The following SLC39A5 variants were observed in gnomAD, a reference collection of about 807,000 sequenced individuals.
SLC39A5 encodes solute carrier family 39 member 5.
A neutral mutation model predicts 46.9 loss-of-function variants in SLC39A5; 42 were observed. The ratio of observed to expected loss-of-function variants is 0.90; its 90% CI spans 0.70 to 1.16. The LOEUF (loss-of-function observed/expected upper bound fraction) is 1.16. SLC39A5 is among the 50% of genes most tolerant of loss of function. The pLI, the probability that SLC39A5 is intolerant of heterozygous loss-of-function variation, is 0.00. For missense variants in SLC39A5, 677 were observed against 686.8 expected, an observed-to-expected ratio of 0.99 and a Z score of 0.16; for synonymous variants, 311 against 323.1, an observed-to-expected ratio of 0.96 and a Z score of 0.40.
rs562903919 is a variant in SLC39A5, at chr12:56,231,180, C to G, written c.-71-24C>G. On this transcript the variant is annotated intron_variant, in intron 3 of 12. Coordinates refer to ENST00000454355, the MANE Select transcript of SLC39A5 (RefSeq NM_173596.3). ...CTGAGCTGGAGAGCAGAGCGCAGCT[C>G]CAGCCCATTCCTCATTCTTCCAGGG... The G allele has an allele frequency of 1.9e-5, 26 of 1,385,000 alleles. No homozygotes were observed. In the African/African-American group the frequency reaches 3.3e-4, roughly 18 times the overall value. 85.8% of individuals were successfully genotyped at this position (1,385,000 alleles called of 1,614,324 possible).
At chr12:56,232,278 G>A (rs572522917) in intron 4 of SLC39A5, among the ~76,000 whole-genome samples, 1 of 143,872 alleles carries the variant, frequency 7.0e-6, no homozygotes, top group Non-Finnish European at 1.5e-5. Flanking sequence ...CGATTCTCCT[G>A]CCTCGGCCTC....
chr12:56,233,342 C>T (rs565586175), intron 5 of SLC39A5, among the ~76,000 whole-genome samples: 2 of 141,878 alleles, frequency 1.4e-5, no homozygotes, highest in East Asian at 2.1e-4. Context: ...CCCAGTTACT[C>T]GGAAGGCTGA....
chr12:56,237,356 T>G lies in SLC39A5; in HGVS notation c.1479+16T>G. ...TGTGGACATGGTGAGAGATGTCGGGTAGAGCAGAGAAATCAAGGGCAGTGG... is the reference window on the plus strand; with the variant it reads ...TGTGGACATGGTGAGAGATGTCGGGGAGAGCAGAGAAATCAAGGGCAGTGG... On this transcript the variant is annotated intron_variant, in intron 12 of 12. Transcript: ENST00000454355. 1 of 1,570,110 alleles carries G rather than the reference T, an allele frequency of 6.4e-7. No individual in the cohort carries two copies. The highest frequency in any genetic ancestry group is 1.2e-5 in the South Asian group (1 of 83,702).
intron 5 of SLC39A5, among the ~76,000 whole-genome samples, chr12:56,234,604 C>T (rs915311985): frequency 5.3e-5 from 8 of 151,868 alleles, no homozygotes; most frequent in East Asian, 1.9e-4. Flanking sequence ...CGTGAGCCAC[C>T]GCACCCGGCT....
At chr12:56,237,521 C>A in intron 12 of SLC39A5, 67 bp from the exon 13 acceptor site, 1 of 1,605,124 alleles carries the variant, frequency 6.2e-7, no homozygotes. Flanking sequence ...TGCTTTCTGA[C>A]ACCATTCCTC....
Position 56,234,879 on chromosome 12 carries a change from T to C in SLC39A5, c.527T>C (p.Leu176Pro). ...TTTGGCTTGAGCCCCGCTGCTCCTC[T>C]GACCCCTCGTCAGTTTGCTCTGCTG... ...VNFGLSPAAP[L>P]TPRQFALLCP... Residue 176 changes from leucine (L) to proline (P), a missense_variant, in exon 6 of 13, where the codon CTG (leucine) becomes CCG (proline). Coordinates refer to ENST00000454355, the MANE Select transcript of SLC39A5 (RefSeq NM_173596.3). 1 of 1,613,836 alleles carries C rather than the reference T, an allele frequency of 6.2e-7. No individual in the cohort carries two copies. The highest frequency in any genetic ancestry group is 8.5e-7 in the Non-Finnish European group (1 of 1,180,032).
chr12:56,232,626 G>A (rs1054022161), intron 4 of SLC39A5, 63 bp from the exon 5 acceptor site: 11 of 1,440,768 alleles, frequency 7.6e-6, no homozygotes, highest in Non-Finnish European at 1.0e-5. Context: ...ATCCCTGGGA[G>A]CCTCTCAAAG....
rs374211055 is a variant in SLC39A5 at position 56,236,763 on chromosome 12, C to T, written c.1207+17C>T. Reference sequence around the variant, plus strand: ...TGGCCATAGGTGTGAGGGGTGGGAACGGAGGGAAGCAGGTCCGAGGGGAGG... The same window carrying T: ...TGGCCATAGGTGTGAGGGGTGGGAATGGAGGGAAGCAGGTCCGAGGGGAGG... On this transcript the variant is annotated intron_variant, in intron 10 of 12. Coordinates refer to ENST00000454355, the MANE Select transcript of SLC39A5 (RefSeq NM_173596.3). 6.9e-5 allele frequency: 109 copies of T among 1,585,466 alleles called. No individual in the cohort carries two copies. The highest frequency in any genetic ancestry group is 2.7e-4 in the East Asian group (12 of 44,580).
chr12:56,231,491 C>A lies in SLC39A5; in HGVS notation c.217C>A (p.Leu73Ile). ...CCTGGGGCTAGGCCGAGTTCAGGGG[C>A]TTCGCCTGGGACAGCATGGGCCTCT... ...HSLGLGRVQG[L>I]RLGQHGPLTG... The change falls in exon 4 of 13, where the codon CTT (leucine) becomes ATT (isoleucine). Residue 73 changes from leucine to isoleucine, a missense_variant. By Grantham distance (5) the Leu-to-Ile change is conservative. Transcript: ENST00000454355. The A allele has an allele frequency of 6.2e-7, 1 of 1,610,580 alleles. No homozygotes were observed.
intron 5 of SLC39A5, among the ~76,000 whole-genome samples, chr12:56,234,470 A>G (rs1870529462): frequency 6.6e-6 from 1 of 152,060 alleles, no homozygotes. Flanking sequence ...GCACGCCACC[A>G]TGCCCAGCTA....
At position 56,237,596 on chromosome 12, in the gene SLC39A5, C is replaced by T. The variant is rs1397717282; in HGVS notation, c.1488C>T (p.Ala496=). ...LYVALVDMLP[A]LLRPPEPLPT... is the part of the protein sequence containing the mutation. ...TCCTCTTTTTCTTTCAGCTACCAGC[C>T]CTGCTTCGTCCTCCGGAGCCCCTGC... Residue 496 remains alanine (A), a synonymous_variant, in exon 13 of 13, where the codon GCC becomes GCT. Transcript: ENST00000454355. The T allele has an allele frequency of 1.2e-6, 2 of 1,613,766 alleles. No individual in the cohort carries two copies. Among genetic ancestry groups the T allele is most frequent in the South Asian group, 2.2e-5 (2 of 91,086 alleles).
Position 56,231,156 on chromosome 12 carries a change from T to C in SLC39A5, c.-71-48T>C, listed in dbSNP as rs1870164981. 17 of 1,174,712 alleles carry C rather than the reference T, an allele frequency of 1.4e-5. 1 individual carries two copies. In the East Asian group the frequency reaches 4.0e-4, roughly 27 times the overall value. The allele number at this position is 1,174,712 out of a possible 1,614,324, so 72.8% of individuals were successfully genotyped here. ...AGGAGCTCTGGCTCCCCCATGGACC[T>C]GAGCTGGAGAGCAGAGCGCAGCTCC... On this transcript the variant is annotated intron_variant, in intron 3 of 12. Transcript: ENST00000454355.
At position 56,237,429 on chromosome 12, in the gene SLC39A5, T is replaced by C. The variant is rs113388846; in HGVS notation, c.1479+89T>C. 334 of 1,526,142 alleles carry C rather than the reference T, an allele frequency of 2.2e-4. 3 individuals carry two copies. In the African/African-American group the frequency reaches 3.9e-3, roughly 18 times the overall value. 94.5% of individuals were successfully genotyped at this position (1,526,142 alleles called of 1,614,324 possible). A position where few individuals can be genotyped will look rare whatever the true frequency, so the allele number is the denominator to read the frequency against. The stretch of plus-strand genomic sequence containing the variant: ...GTAGCAGTCCCTCCGCCTCTACCAT[T>C]AGCTCCTGGAAGGGCGTCAGACCAT... On this transcript the variant is annotated intron_variant, in intron 12 of 12. Coordinates refer to ENST00000454355, the MANE Select transcript of SLC39A5 (RefSeq NM_173596.3).
At chr12:56,235,390 A>T (rs1870642770) in intron 7 of SLC39A5, 64 bp downstream of exon 7, 1 of 1,505,208 alleles carries the variant, frequency 6.6e-7, no homozygotes, top group African/African-American at 1.4e-5. Flanking sequence ...CAGCCATAGG[A>T]CATCCCCTCC....
intron 8 of SLC39A5, 104 bp downstream of exon 8, chr12:56,235,804 G>T: frequency 6.7e-7 from 1 of 1,481,516 alleles, no homozygotes; most frequent in Non-Finnish European, 9.2e-7. Context: ...CAGCACTTTG[G>T]GAGCCCAAGG....
intron 5 of SLC39A5, among the ~76,000 whole-genome samples, chr12:56,233,123 T>C (rs1870391784): frequency 6.6e-6 from 1 of 151,322 alleles, no homozygotes; most frequent in Admixed American, 6.6e-5. Flanking sequence ...ATTAGCCGGG[T>C]GTGGTAACAG....
At chr12:56,232,256 C>T (rs1278411009) in intron 4 of SLC39A5, among the ~76,000 whole-genome samples, 1 of 149,034 alleles carries the variant, frequency 6.7e-6, no homozygotes, top group Non-Finnish European at 1.5e-5. Context: ...ACCTCTGCCT[C>T]CCCGGTTCAA....
chr12:56,237,144 C>T lies in SLC39A5; in HGVS notation c.1289-6C>T, dbSNP rs531957758. On this transcript the variant is annotated splice_region_variant and splice_polypyrimidine_tract_variant and intron_variant, in intron 11 of 12. Coordinates refer to ENST00000454355, the MANE Select transcript of SLC39A5 (RefSeq NM_173596.3). ...TCCCTCCCATCCTGTCCTCTGTCTC[C>T]AATAGGTGACTTTGCCATGCTGCTC... The T allele has an allele frequency of 5.0e-6, 8 of 1,613,756 alleles. No individual in the cohort carries two copies. The East Asian group carries it at 8.9e-5, about 18-fold the overall frequency.
At chr12:56,236,782 G>A in intron 10 of SLC39A5, 36 bp downstream of exon 10, 3 of 1,578,670 alleles carry the variant, frequency 1.9e-6, no homozygotes, top group Non-Finnish European at 2.6e-6. Flanking sequence ...GCAGGTCCGA[G>A]GGGAGGCCAG....
Sources: gnomAD v4.1 joint callset for allele counts (sites outside exome capture counted in the v4.1 genomes callset) on GRCh38, gnomAD v4.1.1 for gene constraint, MANE v1.5 for transcripts, NCBI Gene and HGNC (gene_info 2026-07-23, HGNC 2026-07-21) for gene names.